Variants in VSTM4 observed in about 807,000 individuals in gnomAD.
VSTM4 encodes V-set and transmembrane domain-containing protein 4.
Under a neutral mutation model 36.4 loss-of-function variants are expected in VSTM4, and 20 were observed. The observed-to-expected ratio is 0.55, with a 90% CI of 0.39 to 0.80. The LOEUF (loss-of-function observed/expected upper bound fraction) is 0.80, where lower values mean the gene tolerates loss of function less well. Among genes scored for constraint, VSTM4 ranks in the 30% least tolerant of loss-of-function variants. The pLI is 0.00. For missense variants in VSTM4, 392 were observed against 404.5 expected, an observed-to-expected ratio of 0.97 and a Z score of 0.26; for synonymous variants, 182 against 173.9, an observed-to-expected ratio of 1.05 and a Z score of -0.37.
intron 7 of VSTM4, among the ~76,000 whole-genome samples, chr10:49,039,788 C>T (rs975126838): frequency 2.0e-5 from 3 of 152,200 alleles, no homozygotes; most frequent in Admixed American, 6.5e-5. Context: ...GGTAACAGTC[C>T]TGTGTCCTGC....
At chr10:49,044,494 AAAAG>A (rs1168876192) in intron 7 of VSTM4, among the ~76,000 whole-genome samples, 1 of 149,980 alleles carries the variant, frequency 6.7e-6, no homozygotes, top group Non-Finnish European at 1.5e-5. Flanking sequence ...AAAATTAAAG[AAAAG>A]AAGGAAGGAA....
At chr10:49,059,305 C>T (rs1843835089) in intron 5 of VSTM4, among the ~76,000 whole-genome samples, 1 of 152,176 alleles carries the variant, frequency 6.6e-6, no homozygotes, top group South Asian at 2.1e-4. Context: ...GGGAGAACTG[C>T]CACTCAGACA....
chr10:49,016,364 T>C lies in VSTM4; in HGVS notation c.*3286A>G, dbSNP rs1256456065. ...AGTGTCTGTTGCCTTCCAAGGCTTC[T>C]CCACTAGGCAGGAGATGTGGCAACA... is the stretch of plus-strand genomic sequence containing the variant. On this transcript the variant is annotated 3_prime_UTR_variant, in exon 8 of 8. Coordinates refer to ENST00000332853, the MANE Select transcript of VSTM4 (RefSeq NM_001031746.5). 6.6e-6 allele frequency: 1 copy of C among 152,234 alleles called. No individual in the cohort carries two copies. Among genetic ancestry groups the C allele is most frequent in the Non-Finnish European group, 1.5e-5 (1 of 68,056 alleles). 9.4% of individuals were successfully genotyped at this position (152,234 alleles called of 1,614,324 possible).
At chr10:49,026,253 T>C (rs1843259543) in intron 7 of VSTM4, among the ~76,000 whole-genome samples, 1 of 152,216 alleles carries the variant, frequency 6.6e-6, no homozygotes, top group Admixed American at 6.5e-5. Context: ...GGATTGGCCC[T>C]GGGTCTACCC....
chr10:49,030,618 C>T (rs77934999), intron 7 of VSTM4, among the ~76,000 whole-genome samples: 5,485 of 152,286 alleles, frequency 0.036, 285 homozygotes, highest in African/African-American at 0.1. Flanking sequence ...GTTGGACGAA[C>T]TCACTCAGAA....
At chr10:49,077,005 A>G (rs905453821) in intron 4 of VSTM4, among the ~76,000 whole-genome samples, 1 of 152,184 alleles carries the variant, frequency 6.6e-6, no homozygotes, top group Non-Finnish European at 1.5e-5. Context: ...AGAAACCGAG[A>G]AAGGGGAAAT....
intron 2 of VSTM4, chr10:49,102,710 G>A (rs142737089): frequency 2.5e-5 from 25 of 985,404 alleles, no homozygotes; most frequent in Middle Eastern, 5.2e-4. Flanking sequence ...ACCAAGTCAC[G>A]CCTACTTCAA....
intron 4 of VSTM4, among the ~76,000 whole-genome samples, chr10:49,074,122 G>A (rs775812429): frequency 1.8e-4 from 28 of 152,118 alleles, no homozygotes; most frequent in Non-Finnish European, 3.1e-4. Context: ...TATTTCAAGC[G>A]TCAAATATAA....
At chr10:49,085,918 T>C in intron 3 of VSTM4, 37 bp downstream of exon 3, 4 of 1,332,292 alleles carry the variant, frequency 3.0e-6, no homozygotes, top group Middle Eastern at 2.2e-4. Flanking sequence ...AAAAAGCAAC[T>C]ATAGAGCAAT....
chr10:49,109,734 C>A (rs1437548984), intron 1 of VSTM4, among the ~76,000 whole-genome samples: 2 of 152,200 alleles, frequency 1.3e-5, no homozygotes, highest in Non-Finnish European at 2.9e-5. Context: ...TCTTCTATGC[C>A]TACAGTGATG....
chr10:49,028,917 G>A (rs1843303665), intron 7 of VSTM4, among the ~76,000 whole-genome samples: 1 of 152,184 alleles, frequency 6.6e-6, no homozygotes, highest in Non-Finnish European at 1.5e-5. Flanking sequence ...TGCACTATCA[G>A]GAATCTATTT....
At chr10:49,096,629 G>GTA (rs1178174825) in intron 2 of VSTM4, among the ~76,000 whole-genome samples, 22 of 130,142 alleles carry the variant, frequency 1.7e-4, no homozygotes, top group Non-Finnish European at 3.0e-4. Flanking sequence ...GACCGTGTGT[G>GTA]TGTGTGTGTG....
intron 7 of VSTM4, among the ~76,000 whole-genome samples, chr10:49,036,355 T>C (rs1417475979): frequency 1.3e-5 from 2 of 152,186 alleles, no homozygotes; most frequent in Non-Finnish European, 2.9e-5. Context: ...AAAGTTTGTA[T>C]TTTTTTCCCA....
At chr10:49,039,783 C>T (rs941995894) in intron 7 of VSTM4, among the ~76,000 whole-genome samples, 2 of 152,340 alleles carry the variant, frequency 1.3e-5, no homozygotes, top group African/African-American at 2.4e-5. Flanking sequence ...ATTCAGGTAA[C>T]AGTCCTGTGT....
At position 49,016,378 on chromosome 10, in the gene VSTM4, G is replaced by C. The variant is rs1219249503; in HGVS notation, c.*3272C>G. ...TCCAAGGCTTCTCCACTAGGCAGGA[G>C]ATGTGGCAACAGATAGATATGTGCC... On this transcript the variant is annotated 3_prime_UTR_variant, in exon 8 of 8. Transcript: ENST00000332853. 6.6e-6 allele frequency: 1 copy of C among 152,206 alleles called. No individual in the cohort carries two copies. Among genetic ancestry groups the C allele is most frequent in the Non-Finnish European group, 1.5e-5 (1 of 68,052 alleles). The allele number at this position is 152,206 out of a possible 1,614,324, so 9.4% of individuals were successfully genotyped here.
At chr10:49,019,859 G>A (rs1843156496) in intron 7 of VSTM4, 84 bp from the exon 8 acceptor site, 3 of 1,496,974 alleles carry the variant, frequency 2.0e-6, no homozygotes, top group African/African-American at 2.8e-5. Flanking sequence ...AAGTATGCAT[G>A]TTCATAGCAT....
At chr10:49,065,920 A>C (rs1315078521) in intron 4 of VSTM4, among the ~76,000 whole-genome samples, 1 of 151,836 alleles carries the variant, frequency 6.6e-6, no homozygotes, top group Non-Finnish European at 1.5e-5. Context: ...TATTCCATTT[A>C]CCGAGCATCT....
chr10:49,083,622 T>C (rs1440760409), intron 3 of VSTM4, among the ~76,000 whole-genome samples: 5 of 152,230 alleles, frequency 3.3e-5, no homozygotes, highest in Non-Finnish European at 5.9e-5. Flanking sequence ...TGATTCTCTC[T>C]GTTGAGAAGA....
intron 3 of VSTM4, among the ~76,000 whole-genome samples, chr10:49,084,902 G>A (rs1844343060): frequency 6.6e-6 from 1 of 152,182 alleles, no homozygotes; most frequent in South Asian, 2.1e-4. Flanking sequence ...TTGTCATGGG[G>A]ACTATCCTGT....
Sources: gnomAD v4.1 joint callset for allele counts (sites outside exome capture counted in the v4.1 genomes callset) on GRCh38, gnomAD v4.1.1 for gene constraint, MANE v1.5 for transcripts, NCBI Gene and HGNC (gene_info 2026-07-23, HGNC 2026-07-21) for gene names.